The following RARB variants were observed in gnomAD, a reference collection of about 807,000 sequenced individuals.
RARB encodes the protein HBV-activated protein.
Under a neutral mutation model 51.9 loss-of-function variants are expected in RARB, and 17 were observed. That is an observed-to-expected ratio of 0.33 (90% CI 0.22 to 0.49). The LOEUF (loss-of-function observed/expected upper bound fraction) is 0.49. Ranked by LOEUF, RARB falls within the 20% of genes least tolerant of loss-of-function variation. RARB has a pLI of 0.99. For synonymous variants in RARB, 215 were observed against 195.4 expected (o/e 1.10, Z -0.84); for missense variants, 369 against 550.8 (o/e 0.67, Z 3.30).
At chr3:25,256,521 C>T (rs1702868482) in intron 5 of RARB, among the ~76,000 whole-genome samples, 2 of 151,996 alleles carry the variant, frequency 1.3e-5, no homozygotes, top group Non-Finnish European at 2.9e-5. Flanking sequence ...AAAGGATGTC[C>T]ATGTTGTTTT....
At chr3:24,883,227 A>G (rs1268778250) in intron 2 of RARB, among the ~76,000 whole-genome samples, 1 of 152,184 alleles carries the variant, frequency 6.6e-6, no homozygotes, top group Non-Finnish European at 1.5e-5. Flanking sequence ...TATTTTCCCA[A>G]AAGCAAGTTG....
At chr3:24,947,095 G>T (rs771271166) in intron 2 of RARB, among the ~76,000 whole-genome samples, 2 of 152,168 alleles carry the variant, frequency 1.3e-5, no homozygotes, top group Non-Finnish European at 2.9e-5. Context: ...TAAATGGGGA[G>T]AAGCATATGA....
chr3:24,937,529 A>C (rs76960484), intron 2 of RARB, among the ~76,000 whole-genome samples: 1 of 152,164 alleles, frequency 6.6e-6, no homozygotes, highest in Non-Finnish European at 1.5e-5. Context: ...CCAGATCCCA[A>C]GGCAAATCCT....
chr3:24,962,398 C>T (rs1466769995), intron 2 of RARB, among the ~76,000 whole-genome samples: 1 of 152,190 alleles, frequency 6.6e-6, no homozygotes, highest in African/African-American at 2.4e-5. Flanking sequence ...CATCAACCCT[C>T]AGTCCTGACA....
At chr3:24,908,364 A>C (rs1694912184) in intron 2 of RARB, among the ~76,000 whole-genome samples, 1 of 152,194 alleles carries the variant, frequency 6.6e-6, no homozygotes, top group South Asian at 2.1e-4. Flanking sequence ...TAGAATCTAC[A>C]CTAGAAGAAG....
intron 3 of RARB, among the ~76,000 whole-genome samples, chr3:25,096,604 G>A (rs1204080589): frequency 6.6e-6 from 1 of 152,262 alleles, no homozygotes; most frequent in East Asian, 1.9e-4. Flanking sequence ...CTCAGGTAGT[G>A]AGGAACATAT....
At chr3:25,514,850 T>G (rs978859108) in intron 3 of RARB, among the ~76,000 whole-genome samples, 3 of 152,184 alleles carry the variant, frequency 2.0e-5, no homozygotes, top group Admixed American at 6.5e-5. Flanking sequence ...TGAAAGGTAA[T>G]AAGTGAAGGA....
intron 3 of RARB, among the ~76,000 whole-genome samples, chr3:25,551,693 G>A (rs1056866325): frequency 1.3e-5 from 2 of 152,180 alleles, no homozygotes; most frequent in African/African-American, 2.4e-5. Flanking sequence ...ATAGTGGAGG[G>A]CTTGGGCATG....
At chr3:25,076,861 G>A (rs1435515591) in intron 3 of RARB, among the ~76,000 whole-genome samples, 1 of 152,168 alleles carries the variant, frequency 6.6e-6, no homozygotes, top group African/African-American at 2.4e-5. Context: ...GTTACTTTAT[G>A]AACCACAATG....
intron 5 of RARB, among the ~76,000 whole-genome samples, chr3:25,408,963 G>A (rs373922749): frequency 1.3e-5 from 2 of 152,296 alleles, no homozygotes; most frequent in African/African-American, 4.8e-5. Flanking sequence ...GAACCCAGGA[G>A]GAGGAGGTTG....
chr3:25,139,011 G>T (rs764659608), intron 4 of RARB, among the ~76,000 whole-genome samples: 9 of 152,080 alleles, frequency 5.9e-5, no homozygotes, highest in Middle Eastern at 3.4e-3. Context: ...TGATGTTACT[G>T]TTGTAATTGT....
At chr3:25,167,723 C>G (rs1700582326) in intron 4 of RARB, among the ~76,000 whole-genome samples, 1 of 152,170 alleles carries the variant, frequency 6.6e-6, no homozygotes, top group Non-Finnish European at 1.5e-5. Context: ...GTTCTAGACA[C>G]CAAGCATCAA....
At chr3:25,139,996 CCTG>C (rs1292731667) in intron 4 of RARB, among the ~76,000 whole-genome samples, 1 of 152,102 alleles carries the variant, frequency 6.6e-6, no homozygotes, top group Non-Finnish European at 1.5e-5. Flanking sequence ...ATTTTTGAAA[CCTG>C]CTCAGAAAAA....
intron 5 of RARB, among the ~76,000 whole-genome samples, chr3:25,364,217 T>C (rs1245344379): frequency 6.6e-6 from 1 of 152,222 alleles, no homozygotes; most frequent in Non-Finnish European, 1.5e-5. Context: ...TTTGGTCCAC[T>C]GCTAAATCCC....
intron 2 of RARB, among the ~76,000 whole-genome samples, chr3:24,868,428 C>A (rs1398244241): frequency 6.6e-6 from 1 of 152,074 alleles, no homozygotes; most frequent in Non-Finnish European, 1.5e-5. Context: ...TGGCTACTTT[C>A]CATTTCTATT....
chr3:25,001,105 G>C (rs1037646428), intron 2 of RARB, among the ~76,000 whole-genome samples: 1 of 152,056 alleles, frequency 6.6e-6, no homozygotes, highest in Non-Finnish European at 1.5e-5. Context: ...GTTGAGAAAT[G>C]TGTGAGGATG....
In RARB at chr3:25,131,326, T is replaced by C. The variant is rs536629535; in HGVS notation, c.-327-835T>C. Among the ~76,000 whole-genome samples the C allele has an allele frequency of 1.3e-4, 20 of 152,198 alleles. No homozygotes were observed. The East Asian group carries it at 3.7e-3, about 28-fold the overall frequency. On this transcript the variant is annotated intron_variant, in intron 3 of 11. Coordinates refer to the RARB transcript ENST00000383772. ...AGCTGGAGTCATTCGCTCTTTAACA[T>C]GAAGCTCTTCAGTGACTTGGCTCCC... is the stretch of plus-strand genomic sequence containing the variant.
At chr3:24,934,290 C>T (rs1283697320) in intron 2 of RARB, among the ~76,000 whole-genome samples, 2 of 152,058 alleles carry the variant, frequency 1.3e-5, no homozygotes, top group Admixed American at 1.3e-4. Context: ...ACCTACCATT[C>T]GGCTGAGGGG....
chr3:25,517,445 G>C (rs1048491208), intron 3 of RARB, among the ~76,000 whole-genome samples: 4 of 152,142 alleles, frequency 2.6e-5, no homozygotes, highest in African/African-American at 9.7e-5. Context: ...ATGATGAGAT[G>C]CTGCTTCACA....
Sources: allele counts gnomAD v4.1 joint callset (sites outside exome capture counted in the v4.1 genomes callset), GRCh38; gene constraint gnomAD v4.1.1; transcripts MANE v1.5; gene names NCBI Gene and HGNC (gene_info 2026-07-23, HGNC 2026-07-21).